Variants in ABCA6 observed in about 807,000 individuals in gnomAD.
The protein encoded by ABCA6 is ATP binding cassette subfamily A member 6.
Under a neutral mutation model 191.2 loss-of-function variants are expected in ABCA6, and 164 were observed. The observed-to-expected ratio is 0.86, with a 90% confidence interval of 0.76 to 0.98. The LOEUF (loss-of-function observed/expected upper bound fraction) is 0.98, where lower values mean the gene tolerates loss of function less well. ABCA6 is among the 50% of genes least tolerant of loss of function. The pLI, the probability that ABCA6 is intolerant of heterozygous loss-of-function variation, is 0.00. For missense variants in ABCA6, 1,958 were observed against 1,894.1 expected, an observed-to-expected ratio of 1.03 and a Z score of -0.63; for synonymous variants, 636 against 647.7, an observed-to-expected ratio of 0.98 and a Z score of 0.27.
intron 21 of ABCA6, among the ~76,000 whole-genome samples, chr17:69,102,325 A>C (rs559568392): frequency 6.6e-6 from 1 of 152,322 alleles, no homozygotes; most frequent in African/African-American, 2.4e-5. Context: ...CCTGGGTAAC[A>C]CAGCAAGACT....
rs770737205 is a variant in ABCA6, at chr17:69,084,283, G to C, written c.4333C>G (p.Pro1445Ala). The C allele has an allele frequency of 6.2e-7, 1 of 1,614,056 alleles. No homozygotes were observed. Among genetic ancestry groups the C allele is most frequent in the East Asian group, 2.2e-5 (1 of 44,876 alleles). Reference sequence around the variant, plus strand: ...CACCACATTTGCTGCTGCCCTGTGGGGTCTATGCCCGTAGATGGTTCATCC... The same window carrying C: ...CACCACATTTGCTGCTGCCCTGTGGCGTCTATGCCCGTAGATGGTTCATCC... The part of the protein sequence containing the change: ...LLDEPSTGID[P>A]TGQQQMWQAI... Residue 1445 changes from proline to alanine, a missense_variant, in exon 34 of 39, where the codon CCC (proline) becomes GCC (alanine). By Grantham distance (27) the Pro-to-Ala change is conservative. Transcript: ENST00000284425.
chr17:69,131,613 A>G (rs2073863187), intron 6 of ABCA6, among the ~76,000 whole-genome samples: 1 of 152,222 alleles, frequency 6.6e-6, no homozygotes, highest in Non-Finnish European at 1.5e-5. Flanking sequence ...TAAAGAATAA[A>G]TACTGATTAA....
At chr17:69,089,382 G>T in intron 27 of ABCA6, 83 bp downstream of exon 27, 1 of 1,284,188 alleles carries the variant, frequency 7.8e-7, no homozygotes, top group Non-Finnish European at 1.1e-6. Context: ...TTTCAAAATG[G>T]CACACTTTGG....
chr17:69,134,652 G>A lies in ABCA6; in HGVS notation c.551C>T (p.Thr184Ile), dbSNP rs1427726658. The change falls in exon 5 of 39, where the codon ACT becomes ATT. Residue 184 changes from threonine (T) to isoleucine (I), a missense_variant. Coordinates refer to ENST00000284425, the MANE Select transcript of ABCA6 (RefSeq NM_080284.3). ...GFVALQTAIN[T>I]AIIEITTNHP... ...TCAAGCACTTACTTCTATAATGGCA[G>A]TATTAATAGCTGTTTGTAAAGCCAC... 6.2e-7 allele frequency: 1 copy of A among 1,611,988 alleles called. No homozygotes were observed. The highest frequency in any genetic ancestry group is 1.7e-5 in the Admixed American group (1 of 59,820).
rs2073207171 is a variant in ABCA6 at position 69,102,693 on chromosome 17, A to G, written c.2874+142T>C. 4 of 720,524 alleles carry G rather than the reference A, an allele frequency of 5.6e-6. No individual in the cohort carries two copies. In the South Asian group the frequency reaches 7.9e-5, roughly 14 times the overall value. 44.6% of individuals were successfully genotyped at this position (720,524 alleles called of 1,614,324 possible). A position where few individuals can be genotyped will look rare whatever the true frequency, so the allele number is the denominator to read the frequency against. ...GAAAATGTTTTACAAAAACTTAGGT[A>G]AACTTCACAGTTTATTAAATAACAA... On this transcript the variant is annotated intron_variant, in intron 21 of 38. Transcript: ENST00000284425.
intron 21 of ABCA6, among the ~76,000 whole-genome samples, chr17:69,101,437 A>T (rs1224499640): frequency 1.3e-5 from 2 of 152,058 alleles, no homozygotes; most frequent in Non-Finnish European, 2.9e-5. Flanking sequence ...TTTACTAAAA[A>T]ATACAAAAAT....
rs757469024 is a variant in ABCA6, at chr17:69,085,167, AG to A, written c.4044del (p.Cys1349AlafsTer21). The A allele has an allele frequency of 1.2e-6, 2 of 1,609,816 alleles. No individual in the cohort carries two copies. The highest frequency in any genetic ancestry group is 1.1e-5 in the South Asian group (1 of 90,236). On this transcript the variant is annotated frameshift_variant, in exon 32 of 39. Coordinates refer to ENST00000284425, the MANE Select transcript of ABCA6 (RefSeq NM_080284.3). LOFTEE classifies it high-confidence loss of function. Reference protein sequence around the residue: ...KPTAGEVELKGCSSVLGHLGY... With the variant: ...KPTAGEVELKXCSSVLGHLGY... The stretch of plus-strand genomic sequence containing the variant: ...CCCAGGTGGCCCAAAACTGAACTGC[AG>A]CCTTTCAGTTCCACCTAAAAAAATA...
intron 10 of ABCA6, among the ~76,000 whole-genome samples, chr17:69,122,518 T>C (rs1316697483): frequency 6.6e-6 from 1 of 152,080 alleles, no homozygotes; most frequent in Non-Finnish European, 1.5e-5. Context: ...TCTTGTTTCA[T>C]AGAAGACACT....
chr17:69,109,569 T>C (rs1486409219), intron 17 of ABCA6: 1 of 152,154 alleles, frequency 6.6e-6, no homozygotes, highest in Non-Finnish European at 1.5e-5. Context: ...GTTTCAATTA[T>C]CCACCATCAA....
intron 13 of ABCA6, 60 bp from the exon 14 acceptor site, chr17:69,113,797 A>G (rs1366371881): frequency 6.7e-7 from 1 of 1,495,120 alleles, no homozygotes; most frequent in Non-Finnish European, 9.1e-7. Context: ...TATGCAGCCA[A>G]AAGACACATG....
intron 16 of ABCA6, 127 bp downstream of exon 16, chr17:69,112,056 A>G: frequency 5.8e-6 from 4 of 685,720 alleles, no homozygotes; most frequent in Non-Finnish European, 1.0e-5. Flanking sequence ...AAAAGTATTC[A>G]GGAAACACTG....
At position 69,088,263 on chromosome 17, in the gene ABCA6, G is replaced by A. The variant is rs778664101; in HGVS notation, c.3607-5C>T. 4.4e-6 allele frequency: 7 copies of A among 1,594,996 alleles called. No individual in the cohort carries two copies. The highest frequency in any genetic ancestry group is 1.3e-5 in the African/African-American group (1 of 74,306). On this transcript the variant is annotated splice_region_variant and splice_polypyrimidine_tract_variant and intron_variant, in intron 27 of 38. Transcript: ENST00000284425. ...TAGCAAAGTCTGAAAGTAGGGCTAT[G>A]AGCAAAGAAATACAGTTATATTTAG...
intron 18 of ABCA6, among the ~76,000 whole-genome samples, chr17:69,107,421 G>C (rs765896956): frequency 3.3e-5 from 5 of 152,074 alleles, no homozygotes; most frequent in Non-Finnish European, 5.9e-5. Context: ...CCCTAATTAA[G>C]AGCCTTTCAC....
At chr17:69,130,507 A>G (rs1300463942) in intron 6 of ABCA6, among the ~76,000 whole-genome samples, 1 of 152,192 alleles carries the variant, frequency 6.6e-6, no homozygotes, top group Non-Finnish European at 1.5e-5. Flanking sequence ...TTTATCAATC[A>G]ACAATATTAT....
At chr17:69,079,601 A>G (rs1384763716) in intron 37 of ABCA6, among the ~76,000 whole-genome samples, 1 of 152,190 alleles carries the variant, frequency 6.6e-6, no homozygotes, top group African/African-American at 2.4e-5. Context: ...CATCCTCTTT[A>G]AGAGAACTCA....
rs1235512266 is a variant in ABCA6, at chr17:69,100,893, G to T, written c.2916C>A (p.His972Gln). Residue 972 changes from histidine (H) to glutamine (Q), a missense_variant, in exon 22 of 39, where the codon CAC becomes CAA. Transcript: ENST00000284425. Reference sequence around the variant, plus strand: ...TAATATTCATAAGAATTGGAAAACAGTGCAATCTCTTGGTATTACACACAA... The same window carrying T: ...TAATATTCATAAGAATTGGAAAACATTGCAATCTCTTGGTATTACACACAA... ...FSVVCNTKRL[H>Q]CFPILMNIIS... 1.9e-6 allele frequency: 3 copies of T among 1,608,116 alleles called. No homozygotes were observed. The highest frequency in any genetic ancestry group is 2.6e-6 in the Non-Finnish European group (3 of 1,175,466).
In ABCA6 at chr17:69,082,898, A is replaced by G. The variant is rs2072676751; in HGVS notation, c.4591T>C (p.Phe1531Leu). The G allele has an allele frequency of 1.2e-6, 2 of 1,614,088 alleles. No homozygotes were observed. Among genetic ancestry groups the G allele is most frequent in the Admixed American group, 1.7e-5 (1 of 60,004 alleles). Residue 1531 changes from phenylalanine to leucine, a missense_variant, in exon 36 of 39, where the codon TTC becomes CTC. Transcript: ENST00000284425. ...CTTTCCTGCCCTGCAGCCTGTGGGA[A>G]AAGCTTCAGAATCTCAGTGTGGACC... ...TLVHTEILKL[F>L]PQAAGQERYS...
chr17:69,138,222 C>T (rs1045097948), intron 2 of ABCA6, among the ~76,000 whole-genome samples: 9 of 152,124 alleles, frequency 5.9e-5, no homozygotes, highest in Non-Finnish European at 1.3e-4. Context: ...AGCCTAGGTG[C>T]CTGAATGATT....
rs140794236 is a variant in ABCA6 at position 69,123,407 on chromosome 17, T to C, written c.1268A>G (p.Tyr423Cys). The C allele has an allele frequency of 8.2e-6, 12 of 1,470,452 alleles. No homozygotes were observed. Among genetic ancestry groups the C allele is most frequent in the Non-Finnish European group, 9.1e-6 (10 of 1,095,530 alleles). 91.1% of individuals were successfully genotyped at this position (1,470,452 alleles called of 1,614,324 possible). ...LALYFDKILPYGDERHYSPLF... is the reference protein window; with the variant it reads ...LALYFDKILPCGDERHYSPLF... ...AGGAGAATAATGGCGCTCATCTCCA[T>C]CTAATTAACCAAGAGGCAACAAAAT... Residue 423 changes from tyrosine to cysteine, a missense_variant and splice_region_variant, in exon 10 of 39, where the codon TAT becomes TGT. Physicochemically the swap from Tyr to Cys is radical, Grantham distance 194 (BLOSUM62 -2). Coordinates refer to ENST00000284425, the MANE Select transcript of ABCA6 (RefSeq NM_080284.3).
Sources: allele counts gnomAD v4.1 joint callset (sites outside exome capture counted in the v4.1 genomes callset), GRCh38; gene constraint gnomAD v4.1.1; transcripts MANE v1.5; gene names NCBI Gene and HGNC (gene_info 2026-07-23, HGNC 2026-07-21).